LPP: variants seen among roughly 807,000 people sequenced by gnomAD.
The protein encoded by LPP is LIM domain containing preferred translocation partner in lipoma.
LPP carries 38 observed loss-of-function variants against 60.4 expected under a neutral mutation model. The observed-to-expected ratio is 0.63, with a 90% confidence interval of 0.49 to 0.83. The LOEUF (loss-of-function observed/expected upper bound fraction) is 0.83. LPP is among the 40% of genes least tolerant of loss of function. The probability of loss-of-function intolerance (pLI) is 0.00; values close to 1 mark genes in which losing one functional copy is unlikely to be tolerated. For synonymous variants in LPP, 328 were observed against 290.8 expected (o/e 1.13, Z -1.30); for missense variants, 902 against 783.6 (o/e 1.15, Z -1.80).
intron 8 of LPP, among the ~76,000 whole-genome samples, chr3:188,736,776 A>G (rs1722676571): frequency 1.3e-5 from 2 of 151,900 alleles, no homozygotes; most frequent in Admixed American, 1.3e-4. Context: ...CTATATAAAT[A>G]TATATCTATA....
chr3:188,839,410 G>C (rs1202653013), intron 9 of LPP, among the ~76,000 whole-genome samples: 1 of 152,116 alleles, frequency 6.6e-6, no homozygotes, highest in Non-Finnish European at 1.5e-5. Flanking sequence ...AGCCCCCAAG[G>C]CTTCAGCAAA....
At chr3:188,573,633 A>G (rs1210932788) in intron 6 of LPP, among the ~76,000 whole-genome samples, 6 of 152,164 alleles carry the variant, frequency 3.9e-5, no homozygotes, top group Non-Finnish European at 5.9e-5. Flanking sequence ...TCCATTATCA[A>G]TGATCAATAC....
At chr3:188,678,857 A>T (rs1336697454) in intron 7 of LPP, among the ~76,000 whole-genome samples, 2 of 152,212 alleles carry the variant, frequency 1.3e-5, no homozygotes, top group Non-Finnish European at 2.9e-5. Context: ...CAAATGAGTA[A>T]AGTTAGATTA....
At chr3:188,291,888 A>G (rs977540477) in intron 2 of LPP, among the ~76,000 whole-genome samples, 7 of 152,264 alleles carry the variant, frequency 4.6e-5, no homozygotes, top group African/African-American at 1.7e-4. Context: ...ATTTGACTCT[A>G]GGGTGCTTTC....
chr3:188,444,509 A>G (rs2149288500), intron 4 of LPP, among the ~76,000 whole-genome samples: 1 of 152,296 alleles, frequency 6.6e-6, no homozygotes, highest in Middle Eastern at 3.4e-3. Context: ...GCATGAATTT[A>G]TTATAGAAAA....
At chr3:188,458,543 C>T (rs1184018196) in intron 4 of LPP, among the ~76,000 whole-genome samples, 1 of 152,122 alleles carries the variant, frequency 6.6e-6, no homozygotes, top group Non-Finnish European at 1.5e-5. Context: ...CTATAATGTA[C>T]CGCCAGGAAT....
chr3:188,877,065 T>G lies in LPP; in HGVS notation c.*2586T>G, dbSNP rs987908905. On this transcript the variant is annotated 3_prime_UTR_variant, in exon 12 of 12. Transcript: ENST00000617246. Reference sequence around the variant, plus strand: ...TATGTAGAAACATTTAGATTTAGAGTTTTTTTTTTCTTTCACAAGGTATAA... The same window carrying G: ...TATGTAGAAACATTTAGATTTAGAGGTTTTTTTTTCTTTCACAAGGTATAA... 9.4e-5 allele frequency: 5 copies of G among 53,024 alleles called. No homozygotes were observed. Among genetic ancestry groups the G allele is most frequent in the Middle Eastern group, 5.5e-3 (1 of 182 alleles). The allele number at this position is 53,024 out of a possible 1,614,324, so 3.3% of individuals were successfully genotyped here.
chr3:188,783,912 A>C (rs1740683477), intron 9 of LPP, among the ~76,000 whole-genome samples: 1 of 151,446 alleles, frequency 6.6e-6, no homozygotes, highest in African/African-American at 2.4e-5. Flanking sequence ...TTGGCACCCC[A>C]GCCTCCCGAT....
intron 4 of LPP, among the ~76,000 whole-genome samples, chr3:188,441,774 C>T (rs920676046): frequency 1.3e-5 from 2 of 151,450 alleles, no homozygotes; most frequent in Non-Finnish European, 2.9e-5. Context: ...GCGCCCGCCA[C>T]CACGCCCGGC....
rs1770638942 is a variant in LPP at position 188,886,167 on chromosome 3, G to T, written c.*11688G>T. The T allele has an allele frequency of 6.6e-6, 1 of 151,532 alleles. No individual in the cohort carries two copies. The allele number at this position is 151,532 out of a possible 1,614,324, so 9.4% of individuals were successfully genotyped here. A position where few individuals can be genotyped will look rare whatever the true frequency, so the allele number is the denominator to read the frequency against. On this transcript the variant is annotated 3_prime_UTR_variant, in exon 12 of 12. Coordinates refer to ENST00000617246, the MANE Select transcript of LPP (RefSeq NM_001375462.1). ...GGACTGTTGTGGGGTGGAGGGAGGAGGGAGGGATAGCATTAGGAGATATAC... is the reference window on the plus strand; with the variant it reads ...GGACTGTTGTGGGGTGGAGGGAGGATGGAGGGATAGCATTAGGAGATATAC...
At chr3:188,418,188 A>T (rs574010243) in intron 4 of LPP, among the ~76,000 whole-genome samples, 3 of 152,308 alleles carry the variant, frequency 2.0e-5, no homozygotes, top group Admixed American at 2.0e-4. Flanking sequence ...ACCCAAGGTT[A>T]GGCTAATAAA....
intron 3 of LPP, among the ~76,000 whole-genome samples, chr3:188,374,940 C>T (rs529808727): frequency 7.2e-5 from 11 of 151,942 alleles, no homozygotes; most frequent in Non-Finnish European, 1.6e-4. Flanking sequence ...TTGTCAAAGG[C>T]CTTTTCTGCA....
At chr3:188,816,375 A>T (rs1388225875) in intron 9 of LPP, among the ~76,000 whole-genome samples, 2 of 151,158 alleles carry the variant, frequency 1.3e-5, no homozygotes, top group African/African-American at 4.9e-5. Flanking sequence ...CTAATTTTTT[A>T]TATTTTTAGT....
intron 6 of LPP, among the ~76,000 whole-genome samples, chr3:188,579,384 T>C (rs1456567215): frequency 6.6e-6 from 1 of 152,182 alleles, no homozygotes; most frequent in African/African-American, 2.4e-5. Context: ...GGAAAAGTAA[T>C]GTGTCCTCTT....
chr3:188,329,790 A>C (rs1759483790), intron 2 of LPP, among the ~76,000 whole-genome samples: 4 of 152,322 alleles, frequency 2.6e-5, no homozygotes, highest in Middle Eastern at 3.4e-3. Flanking sequence ...TTAAAGGTAC[A>C]GTTGACTGTT....
intron 3 of LPP, among the ~76,000 whole-genome samples, chr3:188,403,098 ATTGGTC>A (rs754335168): frequency 2.3e-4 from 35 of 152,288 alleles, no homozygotes; most frequent in Admixed American, 4.6e-4. Flanking sequence ...CAAACAAATG[ATTGGTC>A]AGAAGATGGG....
chr3:188,848,104 C>T (rs1223731803), intron 9 of LPP, among the ~76,000 whole-genome samples: 1 of 152,196 alleles, frequency 6.6e-6, no homozygotes, highest in Non-Finnish European at 1.5e-5. Flanking sequence ...TTATATATCA[C>T]AAACTGTTAT....
Position 188,880,349 on chromosome 3 carries a change from A to G in LPP, c.*5870A>G, listed in dbSNP as rs1042680654. The G allele has an allele frequency of 5.5e-6, 1 of 181,052 alleles. No individual in the cohort carries two copies. The highest frequency in any genetic ancestry group is 1.2e-5 in the Non-Finnish European group (1 of 84,924). 11.2% of individuals were successfully genotyped at this position (181,052 alleles called of 1,614,324 possible). A position where few individuals can be genotyped will look rare whatever the true frequency, so the allele number is the denominator to read the frequency against. The stretch of plus-strand genomic sequence containing the variant: ...CCCCGCGTGTTTTTTTCTTTAGCTG[A>G]TTGACAGGTCCCCTTCAAAGTTACA... On this transcript the variant is annotated 3_prime_UTR_variant, in exon 12 of 12. Transcript: ENST00000617246.
chr3:188,494,548 C>T (rs574401992), intron 5 of LPP, among the ~76,000 whole-genome samples: 1 of 152,198 alleles, frequency 6.6e-6, no homozygotes, highest in South Asian at 2.1e-4. Flanking sequence ...CTTGCCCCAC[C>T]CCTCACCCTT....
Sources: gnomAD v4.1 joint callset for allele counts (sites outside exome capture counted in the v4.1 genomes callset) on GRCh38, gnomAD v4.1.1 for gene constraint, MANE v1.5 for transcripts, NCBI Gene and HGNC (gene_info 2026-07-23, HGNC 2026-07-21) for gene names.